SMAD6: variants seen among roughly 807,000 people sequenced by gnomAD.
The protein encoded by SMAD6 is SMAD family member 6.
In SMAD6, 103 loss-of-function variants were observed where a neutral mutation model predicts 39.4. That is an observed-to-expected ratio of 2.62 (90% confidence interval 2.23 to 3.08). SMAD6 has a LOEUF of 3.08. Among genes scored for constraint, SMAD6 ranks in the 30% most tolerant of loss-of-function variants. SMAD6 has a pLI of 0.00. For missense variants in SMAD6, 1,104 were observed against 742.9 expected, an observed-to-expected ratio of 1.49 and a Z score of -5.65; for synonymous variants, 445 against 353.3, an observed-to-expected ratio of 1.26 and a Z score of -2.91.
chr15:66,719,979 C>A (rs1893403462), intron 3 of SMAD6, among the ~76,000 whole-genome samples: 1 of 152,088 alleles, frequency 6.6e-6, no homozygotes, highest in Non-Finnish European at 1.5e-5. Flanking sequence ...CACCTGGAGT[C>A]TTTGATGGGA....
In SMAD6 at chr15:66,703,795, G is replaced by A; in HGVS notation, c.537G>A (p.Leu179=). The A allele has an allele frequency of 6.9e-7, 1 of 1,441,396 alleles. No individual in the cohort carries two copies. The highest frequency in any genetic ancestry group is 9.2e-7 in the Non-Finnish European group (1 of 1,086,926). 89.3% of individuals were successfully genotyped at this position (1,441,396 alleles called of 1,614,324 possible). ...EQELKTVTYS[L]LKRLKERSLD... is the part of the protein sequence containing the mutation. ...AACTCAAAACCGTCACGTACTCGCT[G>A]CTGAAGCGGCTCAAGGAGCGCTCGC... is the stretch of plus-strand genomic sequence containing the variant. Residue 179 remains leucine (L), a synonymous_variant, in exon 1 of 4, where the codon CTG becomes CTA. Transcript: ENST00000288840.
At chr15:66,745,171 TC>T (rs1422098412) in intron 3 of SMAD6, among the ~76,000 whole-genome samples, 1 of 152,104 alleles carries the variant, frequency 6.6e-6, no homozygotes, top group Non-Finnish European at 1.5e-5. Context: ...ATCCAACTCT[TC>T]CCTGGCTGCC....
At chr15:66,742,268 G>A (rs1042833495) in intron 3 of SMAD6, among the ~76,000 whole-genome samples, 5 of 152,068 alleles carry the variant, frequency 3.3e-5, no homozygotes, top group African/African-American at 4.8e-5. Flanking sequence ...TCCCCTCACC[G>A]CCCTGAGCGC....
chr15:66,751,691 A>C (rs1050329206), intron 3 of SMAD6, among the ~76,000 whole-genome samples: 2 of 152,228 alleles, frequency 1.3e-5, no homozygotes, highest in African/African-American at 4.8e-5. Flanking sequence ...CCCCGTCTTC[A>C]GTGGGTCATT....
intron 3 of SMAD6, among the ~76,000 whole-genome samples, chr15:66,775,701 C>T (rs928995106): frequency 2.6e-5 from 4 of 152,170 alleles, no homozygotes; most frequent in Admixed American, 2.6e-4. Flanking sequence ...GCGGGAGTTT[C>T]GGTCAGAGCT....
chr15:66,781,965 C>G lies in SMAD6; in HGVS notation c.*430C>G. 5.0e-6 allele frequency: 2 copies of G among 398,630 alleles called. No individual in the cohort carries two copies. Among genetic ancestry groups the G allele is most frequent in the Non-Finnish European group, 8.8e-6 (2 of 226,006 alleles). The allele number at this position is 398,630 out of a possible 1,614,324, so 24.7% of individuals were successfully genotyped here. On this transcript the variant is annotated 3_prime_UTR_variant, in exon 4 of 4. Transcript: ENST00000288840. ...AGACAAAAAGCTAATACCAGTCACT[C>G]GATAATAAAGTATTCGCATTATAGT...
intron 3 of SMAD6, among the ~76,000 whole-genome samples, chr15:66,723,959 T>G (rs988392824): frequency 6.6e-6 from 1 of 152,056 alleles, no homozygotes; most frequent in Non-Finnish European, 1.5e-5. Flanking sequence ...TGATTCTGAG[T>G]TGGGTTTTGT....
chr15:66,738,602 C>T (rs1200170281), intron 3 of SMAD6, among the ~76,000 whole-genome samples: 1 of 152,188 alleles, frequency 6.6e-6, no homozygotes. Flanking sequence ...CCTCTCTGCC[C>T]TCCTCACCTT....
chr15:66,765,208 T>C (rs1023124488), intron 3 of SMAD6, among the ~76,000 whole-genome samples: 3 of 152,098 alleles, frequency 2.0e-5, no homozygotes, highest in African/African-American at 7.2e-5. Context: ...AAGCAGCACC[T>C]GCTGTGGCTC....
At chr15:66,713,413 G>A (rs1224918632) in intron 2 of SMAD6, among the ~76,000 whole-genome samples, 1 of 152,170 alleles carries the variant, frequency 6.6e-6, no homozygotes, top group Admixed American at 6.5e-5. Context: ...TCCGCATCCC[G>A]GGTTCAAGCG....
rs1370791925 is a variant in SMAD6 at position 66,712,718 on chromosome 15, A to G, written c.874+994A>G. ...AAAAAAAAAAAAAAAAAAAGAGTAG[A>G]GGTTGTGGTTGGGAACGATGGCTCA... On this transcript the variant is annotated intron_variant, in intron 2 of 3. Transcript: ENST00000288840. 2.7e-5 allele frequency among the ~76,000 whole-genome samples: 4 copies of G among 147,320 alleles called. No individual in the cohort carries two copies. The East Asian group carries it at 8.1e-4, about 30-fold the overall frequency.
intron 3 of SMAD6, among the ~76,000 whole-genome samples, chr15:66,722,561 A>T (rs1415310386): frequency 3.3e-5 from 5 of 152,172 alleles, no homozygotes; most frequent in Non-Finnish European, 7.3e-5. Flanking sequence ...GGCCAGCACC[A>T]CCCTGCCATT....
chr15:66,722,310 G>C (rs917065523), intron 3 of SMAD6, among the ~76,000 whole-genome samples: 3 of 152,214 alleles, frequency 2.0e-5, no homozygotes, highest in African/African-American at 7.2e-5. Context: ...GTTTCAAAGG[G>C]AAAGCAGGAG....
At chr15:66,760,379 C>T (rs745572443) in intron 3 of SMAD6, among the ~76,000 whole-genome samples, 5 of 152,314 alleles carry the variant, frequency 3.3e-5, no homozygotes, top group East Asian at 1.9e-4. Flanking sequence ...AGACTCCCTG[C>T]GTGCCAGAGC....
At chr15:66,739,757 A>G (rs1242887795) in intron 3 of SMAD6, among the ~76,000 whole-genome samples, 1 of 152,208 alleles carries the variant, frequency 6.6e-6, no homozygotes, top group East Asian at 1.9e-4. Context: ...CTGTCCAGAG[A>G]TAACCACTGT....
chr15:66,717,130 A>C (rs1428983230), intron 3 of SMAD6: 2 of 1,288,302 alleles, frequency 1.6e-6, no homozygotes, highest in African/African-American at 3.0e-5. Context: ...ACTTTCCTTG[A>C]GAAATGAGAG....
At chr15:66,718,148 G>GTC (rs1893368097) in intron 3 of SMAD6, among the ~76,000 whole-genome samples, 1 of 147,444 alleles carries the variant, frequency 6.8e-6, no homozygotes, top group Admixed American at 6.8e-5. Context: ...GTGTGTGTGT[G>GTC]TGTCTGTGCA....
At chr15:66,711,229 C>T (rs1348742740) in intron 1 of SMAD6, among the ~76,000 whole-genome samples, 6 of 152,168 alleles carry the variant, frequency 3.9e-5, no homozygotes, top group Non-Finnish European at 8.8e-5. Context: ...GTATTTTATC[C>T]AGCAACCCTG....
At chr15:66,774,766 A>T (rs1054051890) in intron 3 of SMAD6, among the ~76,000 whole-genome samples, 1 of 152,158 alleles carries the variant, frequency 6.6e-6, no homozygotes, top group African/African-American at 2.4e-5. Flanking sequence ...TATTTCCATC[A>T]TGCTGGAAAG....
Sources: allele counts gnomAD v4.1 joint callset (sites outside exome capture counted in the v4.1 genomes callset), GRCh38; gene constraint gnomAD v4.1.1; transcripts MANE v1.5; gene names NCBI Gene and HGNC (gene_info 2026-07-23, HGNC 2026-07-21).